Variants in UBE2E1 observed in about 807,000 individuals in gnomAD.
UBE2E1 encodes the protein ubiquitin-conjugating enzyme E2 E1.
A neutral mutation model predicts 21.4 loss-of-function variants in UBE2E1; 6 were observed. That is an observed-to-expected ratio of 0.28 (90% CI 0.15 to 0.55). The LOEUF is 0.55. Among genes scored for constraint, UBE2E1 ranks in the 20% least tolerant of loss-of-function variants. The pLI is 0.93. For synonymous variants in UBE2E1, 87 were observed against 82.7 expected (o/e 1.05, Z -0.28); for missense variants, 142 against 236.5 (o/e 0.60, Z 2.62).
chr3:23,885,264 C>T (rs1701155639), intron 3 of UBE2E1, among the ~76,000 whole-genome samples: 1 of 152,208 alleles, frequency 6.6e-6, no homozygotes, highest in Admixed American at 6.5e-5. Flanking sequence ...CCTTCAAAGG[C>T]TCCACCTCCT....
At chr3:23,829,494 G>A (rs888645538) in intron 3 of UBE2E1, among the ~76,000 whole-genome samples, 1 of 152,016 alleles carries the variant, frequency 6.6e-6, no homozygotes, top group Non-Finnish European at 1.5e-5. Flanking sequence ...GAGAGGTGGG[G>A]TCTTGCTGTG....
intron 3 of UBE2E1, among the ~76,000 whole-genome samples, chr3:23,865,174 T>C (rs1199007270): frequency 6.6e-6 from 1 of 152,218 alleles, no homozygotes. Flanking sequence ...TGTGTCCTCA[T>C]CTGTAGCTCT....
intron 3 of UBE2E1, among the ~76,000 whole-genome samples, chr3:23,868,540 CT>C (rs914112394): frequency 2.6e-5 from 4 of 152,084 alleles, no homozygotes; most frequent in African/African-American, 9.7e-5. Flanking sequence ...ATCTCCTGAC[CT>C]TGTGATCCGC....
intron 3 of UBE2E1, among the ~76,000 whole-genome samples, chr3:23,856,060 C>G (rs1178320415): frequency 6.6e-6 from 1 of 152,082 alleles, no homozygotes; most frequent in Non-Finnish European, 1.5e-5. Context: ...GAGACAGAGT[C>G]TCGCTCTGTA....
At chr3:23,867,943 C>T (rs535773067) in intron 3 of UBE2E1, among the ~76,000 whole-genome samples, 44 of 152,272 alleles carry the variant, frequency 2.9e-4, no homozygotes, top group African/African-American at 9.1e-4. Flanking sequence ...CCCTTGTAGT[C>T]ACTGATGATT....
rs903129871 is a variant in UBE2E1 at position 23,842,897 on chromosome 3, T to C, written c.203+31387T>C. ...ACTATAACCTCTGAGGGCAAGGGCT[T>C]GTTTTATTTGAATAAAGAACCCTAT... On this transcript the variant is annotated intron_variant, in intron 3 of 5. Coordinates refer to ENST00000306627, the MANE Select transcript of UBE2E1 (RefSeq NM_003341.5). This position sits in a 1 kb window ranked among gnomAD's most constrained non-coding sequence, Gnocchi z 4.6. 6.6e-6 allele frequency among the ~76,000 whole-genome samples: 1 copy of C among 152,146 alleles called. No individual in the cohort carries two copies. The highest frequency in any genetic ancestry group is 2.4e-5 in the African/African-American group (1 of 41,408).
chr3:23,862,282 A>G (rs749046543), intron 3 of UBE2E1, among the ~76,000 whole-genome samples: 3 of 152,194 alleles, frequency 2.0e-5, no homozygotes, highest in Non-Finnish European at 4.4e-5. Flanking sequence ...TTCAGGTTCT[A>G]TCTTCACCTT....
At chr3:23,879,477 G>A in intron 3 of UBE2E1, 2 of 341,954 alleles carry the variant, frequency 5.8e-6, no homozygotes, top group East Asian at 7.4e-5. Flanking sequence ...ATAGAAGTGT[G>A]GTCTGATAGT....
chr3:23,880,925 A>G (rs1205602471), intron 3 of UBE2E1, among the ~76,000 whole-genome samples: 1 of 152,238 alleles, frequency 6.6e-6, no homozygotes, highest in African/African-American at 2.4e-5. Context: ...TTAAGACTGT[A>G]TATGTGTAAA....
intron 3 of UBE2E1, among the ~76,000 whole-genome samples, chr3:23,886,447 G>A (rs540543954): frequency 4.6e-5 from 7 of 152,172 alleles, no homozygotes; most frequent in Admixed American, 1.3e-4. Flanking sequence ...CCCGCTATTC[G>A]GTTGCCCATA....
At chr3:23,871,831 C>T (rs1191691793) in intron 3 of UBE2E1, among the ~76,000 whole-genome samples, 2 of 150,884 alleles carry the variant, frequency 1.3e-5, no homozygotes, top group Admixed American at 6.6e-5. Flanking sequence ...CGGGAAGAGG[C>T]GCTCCTCACT....
chr3:23,884,876 G>A (rs559374468), intron 3 of UBE2E1, among the ~76,000 whole-genome samples: 22 of 152,280 alleles, frequency 1.4e-4, no homozygotes, highest in Non-Finnish European at 2.1e-4. Flanking sequence ...CCATAAACTA[G>A]ATAAAAGAGC....
chr3:23,845,298 A>AC (rs1700172500), intron 3 of UBE2E1, among the ~76,000 whole-genome samples: 1 of 152,144 alleles, frequency 6.6e-6, no homozygotes, highest in Non-Finnish European at 1.5e-5. Flanking sequence ...AATGCATTGC[A>AC]CACTCTTCAG....
chr3:23,885,614 A>T (rs190977523), intron 3 of UBE2E1, among the ~76,000 whole-genome samples: 1 of 152,164 alleles, frequency 6.6e-6, no homozygotes, highest in Non-Finnish European at 1.5e-5. Flanking sequence ...TAATCCCAGC[A>T]CTCTGGGAGG....
At position 23,876,032 on chromosome 3, in the gene UBE2E1, A is replaced by G. The variant is rs557232140; in HGVS notation, c.204-11535A>G. On this transcript the variant is annotated intron_variant, in intron 3 of 5. Transcript: ENST00000306627. This position sits in a 1 kb window ranked among gnomAD's most constrained non-coding sequence, Gnocchi z 4.3. ...GTGATCTGCCCGCTTTGGCCTCACA[A>G]AGTGCTGGGATTACAGGCGTGAGCC... Among the ~76,000 whole-genome samples, 5 of 152,316 alleles carry G rather than the reference A, an allele frequency of 3.3e-5. No individual in the cohort carries two copies. The highest frequency in any genetic ancestry group is 3.9e-4 in the East Asian group (2 of 5,188).
At chr3:23,884,527 A>G (rs1253203411) in intron 3 of UBE2E1, among the ~76,000 whole-genome samples, 3 of 152,130 alleles carry the variant, frequency 2.0e-5, no homozygotes, top group African/African-American at 7.2e-5. Flanking sequence ...GCACAGTGAA[A>G]TTTGGGAATC....
In UBE2E1 at chr3:23,836,694, G is replaced by A. The variant is rs184553114; in HGVS notation, c.203+25184G>A. On this transcript the variant is annotated intron_variant, in intron 3 of 5. Transcript: ENST00000306627. This position sits in a 1 kb window ranked among gnomAD's most constrained non-coding sequence, Gnocchi z 4.1. ...ACTTTCCTAAAATGGCTCAGCTGAGGACTGGTATGGTTGGGATAGAACATG... is the reference window on the plus strand; with the variant it reads ...ACTTTCCTAAAATGGCTCAGCTGAGAACTGGTATGGTTGGGATAGAACATG... Among the ~76,000 whole-genome samples, 6 of 152,300 alleles carry A rather than the reference G, an allele frequency of 3.9e-5. No homozygotes were observed. The highest frequency in any genetic ancestry group is 3.9e-4 in the Admixed American group (6 of 15,300).
chr3:23,847,339 G>A (rs1700229431), intron 3 of UBE2E1, among the ~76,000 whole-genome samples: 2 of 152,000 alleles, frequency 1.3e-5, no homozygotes, highest in East Asian at 3.8e-4. Context: ...AGTGAAAAGA[G>A]CATTTTCAAA....
chr3:23,835,120 A>G (rs1432299583), intron 3 of UBE2E1, among the ~76,000 whole-genome samples: 1 of 152,198 alleles, frequency 6.6e-6, no homozygotes, highest in Non-Finnish European at 1.5e-5. Context: ...TAACTGTTAA[A>G]TGTTTAATGA....
Sources: gnomAD v4.1 joint callset for allele counts (sites outside exome capture counted in the v4.1 genomes callset) on GRCh38, gnomAD v4.1.1 for gene constraint, Gnocchi (gnomAD v3.1) non-coding constraint, MANE v1.5 for transcripts, NCBI Gene and HGNC (gene_info 2026-07-23, HGNC 2026-07-21) for gene names.